CFAP47: variants seen among roughly 807,000 people sequenced by gnomAD.
CFAP47 encodes the protein cilia and flagella associated protein 47.
CFAP47 carries 29 observed loss-of-function variants against 148.1 expected under a neutral mutation model. The observed-to-expected ratio is 0.20, with a 90% CI of 0.15 to 0.27. CFAP47 has a LOEUF of 0.27. Ranked by LOEUF, CFAP47 falls within the 10% of genes least tolerant of loss-of-function variation. CFAP47 has a pLI of 1.00. For synonymous variants in CFAP47, 664 were observed against 577.3 expected (o/e 1.15, Z -2.15); for missense variants, 1,872 against 1,697.5 (o/e 1.10, Z -1.81).
In CFAP47 at chrX:35,955,995, A is replaced by C. The variant is rs1036337924; in HGVS notation, c.1209A>C (p.Thr403=). ...TTCAGAAAGTGGAATTAGCACTGACAGGCACAGGACTTCCTGTTTTACTAC... is the reference window on the plus strand; with the variant it reads ...TTCAGAAAGTGGAATTAGCACTGACCGGCACAGGACTTCCTGTTTTACTAC... ...ERFQKVELAL[T]GTGLPVLLQF... is the part of the protein sequence containing the mutation. Residue 403 remains threonine (T), a synonymous_variant, in exon 8 of 64, where the codon ACA becomes ACC. Coordinates refer to ENST00000378653, the MANE Select transcript of CFAP47 (RefSeq NM_001304548.2). 5.0e-6 allele frequency: 6 copies of C among 1,210,594 alleles called. No homozygotes were observed. The African/African-American group carries it at 1.0e-4, about 21-fold the overall frequency.
chrX:36,176,816 A>T (rs1005711963), intron 39 of CFAP47, among the ~76,000 whole-genome samples: 1 of 112,358 alleles, frequency 8.9e-6, no homozygotes, highest in Admixed American at 9.4e-5. Context: ...GAGGTGGAAG[A>T]ATCACTTGAA....
At chrX:36,027,164 G>A (rs368026326) in intron 22 of CFAP47, among the ~76,000 whole-genome samples, 1 of 102,834 alleles carries the variant, frequency 9.7e-6, no homozygotes, top group Non-Finnish European at 2.0e-5. Flanking sequence ...TTATATATAT[G>A]TGATTATATA....
intron 57 of CFAP47, among the ~76,000 whole-genome samples, chrX:36,328,732 C>A (rs1885180471): frequency 9.4e-6 from 1 of 105,887 alleles, no homozygotes; most frequent in African/African-American, 3.5e-5. Flanking sequence ...ATGGCGTGAA[C>A]CCGGGAAGCG....
intron 45 of CFAP47, among the ~76,000 whole-genome samples, chrX:36,209,789 A>G (rs1386102717): frequency 9.0e-6 from 1 of 111,557 alleles, no homozygotes; most frequent in Non-Finnish European, 1.9e-5. Flanking sequence ...TGTATAATTC[A>G]ATAGTTTTCA....
At chrX:36,023,767 G>A (rs1937186175) in intron 22 of CFAP47, among the ~76,000 whole-genome samples, 3 of 112,202 alleles carry the variant, frequency 2.7e-5, no homozygotes, top group South Asian at 7.4e-4. Flanking sequence ...AGTGCTGCCA[G>A]ACTACTGCTG....
At chrX:36,098,686 A>G (rs1455604282) in intron 30 of CFAP47, 107 bp from the exon 31 acceptor site, 5 of 364,834 alleles carry the variant, frequency 1.4e-5, no homozygotes, top group Admixed American at 5.6e-5. Flanking sequence ...AATAAAATCT[A>G]GCATATATAC....
At chrX:36,004,326 C>T (rs1257580429) in intron 21 of CFAP47, among the ~76,000 whole-genome samples, 5 of 111,006 alleles carry the variant, frequency 4.5e-5, no homozygotes, top group African/African-American at 6.6e-5. Context: ...AGAGCCAAAT[C>T]AGGAAGGCAA....
At chrX:36,272,081 A>G (rs781986177) in intron 49 of CFAP47, among the ~76,000 whole-genome samples, 1 of 112,015 alleles carries the variant, frequency 8.9e-6, no homozygotes, top group Non-Finnish European at 1.9e-5. Context: ...GTTAAAGTTG[A>G]GCAAACTTTG....
rs1248372827 is a variant in CFAP47, at chrX:35,966,708, C to T, written c.1554C>T (p.Ser518=). The change falls in exon 9 of 64, where the codon AGC becomes AGT. Residue 518 remains serine (S), a synonymous_variant. Coordinates refer to ENST00000378653, the MANE Select transcript of CFAP47 (RefSeq NM_001304548.2). ...SFHHVYLAFN[S]ICKASTKKVV... ...ATCACGTATATTTAGCTTTCAACAG[C>T]ATCTGTAAAGCTTCCACCAAGAAAG... The T allele has an allele frequency of 8.5e-7, 1 of 1,171,525 alleles. No individual in the cohort carries two copies. Among genetic ancestry groups the T allele is most frequent in the Non-Finnish European group, 1.1e-6 (1 of 873,672 alleles).
At chrX:36,000,697 G>A (rs191547660) in intron 20 of CFAP47, among the ~76,000 whole-genome samples, 76 of 111,817 alleles carry the variant, frequency 6.8e-4, no homozygotes, top group African/African-American at 2.3e-3. Context: ...TTATATATAA[G>A]TATATGCCTT....
chrX:36,196,098 C>T (rs1939917542), intron 42 of CFAP47, among the ~76,000 whole-genome samples: 1 of 111,541 alleles, frequency 9.0e-6, no homozygotes, highest in Admixed American at 9.6e-5. Context: ...TGCAGGTATA[C>T]AAATCTTTTC....
intron 30 of CFAP47, among the ~76,000 whole-genome samples, chrX:36,094,818 C>G (rs1395481068): frequency 9.0e-6 from 1 of 111,077 alleles, no homozygotes; most frequent in Non-Finnish European, 1.9e-5. Flanking sequence ...ATATCATTTG[C>G]AAACAAGGAT....
At chrX:36,201,772 G>A (rs1401515233) in intron 44 of CFAP47, among the ~76,000 whole-genome samples, 1 of 110,753 alleles carries the variant, frequency 9.0e-6, no homozygotes, top group Non-Finnish European at 1.9e-5. Context: ...GCACATTAGA[G>A]TGCCCTGGAG....
At chrX:35,985,989 A>T (rs1936709205) in intron 15 of CFAP47, 2 of 312,399 alleles carry the variant, frequency 6.4e-6, no homozygotes, top group Non-Finnish European at 1.3e-5. Context: ...AATTAAACTG[A>T]GCTACAGAGC....
At chrX:36,219,488 G>A (rs1337270789) in intron 45 of CFAP47, among the ~76,000 whole-genome samples, 2 of 111,054 alleles carry the variant, frequency 1.8e-5, no homozygotes, top group African/African-American at 6.6e-5. Flanking sequence ...AGTGGTTGGG[G>A]TTATATTTTT....
In CFAP47 at chrX:36,143,792, T is replaced by G. The variant is rs535883393; in HGVS notation, c.5536-1427T>G. On this transcript the variant is annotated intron_variant, in intron 35 of 63. Transcript: ENST00000378653. ...AGTAATCATTACTAATGTATTTTGT[T>G]TATCAGAGTAATTACAACCTCTGCC... 7.2e-4 allele frequency among the ~76,000 whole-genome samples: 81 copies of G among 112,039 alleles called. No homozygotes were observed. The South Asian group carries it at 0.026, about 37-fold the overall frequency.
chrX:36,099,244 G>A (rs750399653), intron 31 of CFAP47, among the ~76,000 whole-genome samples: 205 of 111,167 alleles, frequency 1.8e-3, no homozygotes, highest in African/African-American at 6.5e-3. Flanking sequence ...GTTTTCAGGG[G>A]AAAATAGAAA....
intron 42 of CFAP47, among the ~76,000 whole-genome samples, chrX:36,192,292 G>A (rs1939874444): frequency 9.0e-6 from 1 of 111,385 alleles, no homozygotes; most frequent in Non-Finnish European, 1.9e-5. Flanking sequence ...ATAATGTTTT[G>A]CTCCAACATG....
Position 36,301,097 on chromosome X carries a change from G to A in CFAP47, c.7888G>A (p.Glu2630Lys), listed in dbSNP as rs1941294311. The change falls in exon 53 of 64, where the codon GAA becomes AAA. Residue 2630 changes from glutamate to lysine, a missense_variant. Coordinates refer to ENST00000378653, the MANE Select transcript of CFAP47 (RefSeq NM_001304548.2). Reference sequence around the variant, plus strand: ...CATTATTTTTCAGCCTGAAATGGCTGAAGAGTTCTGGTATTTACTGAAGTT... The same window carrying A: ...CATTATTTTTCAGCCTGAAATGGCTAAAGAGTTCTGGTATTTACTGAAGTT... The part of the protein sequence containing the change: ...ESIIFQPEMA[E>K]EFWYLLKLTI... The A allele has an allele frequency of 8.7e-7, 1 of 1,153,692 alleles. No homozygotes were observed. The highest frequency in any genetic ancestry group is 1.2e-6 in the Non-Finnish European group (1 of 863,037).
Sources: gnomAD v4.1 joint callset for allele counts (sites outside exome capture counted in the v4.1 genomes callset) on GRCh38, gnomAD v4.1.1 for gene constraint, MANE v1.5 for transcripts, NCBI Gene and HGNC (gene_info 2026-07-23, HGNC 2026-07-21) for gene names.